SLIT3: variants seen among roughly 807,000 people sequenced by gnomAD.
SLIT3 encodes slit homolog 3 protein.
In SLIT3, 68 loss-of-function variants were observed where a neutral mutation model predicts 184.0. That is an observed-to-expected ratio of 0.37 (90% CI 0.30 to 0.45). The LOEUF (loss-of-function observed/expected upper bound fraction) is 0.45, where lower values mean the gene tolerates loss of function less well. Ranked by LOEUF, SLIT3 falls within the 20% of genes least tolerant of loss-of-function variation. SLIT3 has a pLI of 1.00. For missense variants in SLIT3, 1,707 were observed against 2,026.0 expected, an observed-to-expected ratio of 0.84 and a Z score of 3.02; for synonymous variants, 831 against 828.6, an observed-to-expected ratio of 1.00 and a Z score of -0.05.
intron 4 of SLIT3, among the ~76,000 whole-genome samples, chr5:168,975,942 T>A (rs1180840056): frequency 6.6e-6 from 1 of 152,194 alleles, no homozygotes; most frequent in Non-Finnish European, 1.5e-5. Context: ...CGATCAACTC[T>A]ATCCCTGTAA....
At chr5:168,769,097 A>G (rs1755453316) in intron 14 of SLIT3, among the ~76,000 whole-genome samples, 1 of 152,170 alleles carries the variant, frequency 6.6e-6, no homozygotes, top group African/African-American at 2.4e-5. Flanking sequence ...GATGAGTCTG[A>G]GGGGAAGACA....
At chr5:168,709,996 T>G (rs1285342263) in intron 25 of SLIT3, 1 of 152,234 alleles carries the variant, frequency 6.6e-6, no homozygotes, top group Admixed American at 6.5e-5. Flanking sequence ...AATAATAATG[T>G]ACTTTGATTC....
intron 6 of SLIT3, among the ~76,000 whole-genome samples, chr5:168,842,751 C>T (rs1758313119): frequency 6.6e-6 from 1 of 152,194 alleles, no homozygotes; most frequent in African/African-American, 2.4e-5. Context: ...GGTAAGACAA[C>T]ACCGTTCCTA....
chr5:168,879,492 CA>C (rs1759872352), intron 5 of SLIT3, among the ~76,000 whole-genome samples: 1 of 152,216 alleles, frequency 6.6e-6, no homozygotes, highest in African/African-American at 2.4e-5. Flanking sequence ...CATACAGCTT[CA>C]TTATCACCTC....
intron 4 of SLIT3, among the ~76,000 whole-genome samples, chr5:169,126,973 C>T (rs1761102245): frequency 6.6e-6 from 1 of 152,202 alleles, no homozygotes; most frequent in Admixed American, 6.5e-5. Context: ...AAAGTCTGCA[C>T]TGACTTCAAG....
At chr5:169,178,947 T>C (rs1561717687) in intron 4 of SLIT3, among the ~76,000 whole-genome samples, 1 of 152,072 alleles carries the variant, frequency 6.6e-6, no homozygotes, top group Non-Finnish European at 1.5e-5. Context: ...GACGGGCCCA[T>C]GATTGAATGA....
At chr5:169,227,141 A>G (rs1764841846) in intron 3 of SLIT3, among the ~76,000 whole-genome samples, 1 of 152,200 alleles carries the variant, frequency 6.6e-6, no homozygotes. Context: ...CCTAGTGGGC[A>G]CTGGCATATA....
intron 5 of SLIT3, among the ~76,000 whole-genome samples, chr5:168,874,672 C>G (rs1281196694): frequency 6.6e-6 from 1 of 152,208 alleles, no homozygotes; most frequent in East Asian, 1.9e-4. Context: ...AACTTCCAAT[C>G]CCAGGCAGAA....
chr5:168,865,029 G>A (rs1479541155), intron 5 of SLIT3, among the ~76,000 whole-genome samples: 6 of 152,030 alleles, frequency 3.9e-5, no homozygotes, highest in Admixed American at 2.0e-4. Flanking sequence ...TTAGCCAGGC[G>A]TGGTGGTGGA....
chr5:168,746,189 G>C (rs542629654), intron 20 of SLIT3, among the ~76,000 whole-genome samples: 1 of 152,308 alleles, frequency 6.6e-6, no homozygotes, highest in Non-Finnish European at 1.5e-5. Flanking sequence ...GCCTGTACGT[G>C]CTAACCTGGC....
intron 21 of SLIT3, 62 bp downstream of exon 21, chr5:168,724,354 C>G: frequency 7.3e-7 from 1 of 1,377,382 alleles, no homozygotes. Flanking sequence ...CCATCCACTT[C>G]AGTTTCCTGA....
At chr5:169,090,637 A>T (rs2113201162) in intron 4 of SLIT3, among the ~76,000 whole-genome samples, 1 of 152,310 alleles carries the variant, frequency 6.6e-6, no homozygotes, top group South Asian at 2.1e-4. Context: ...TGTGACTAAG[A>T]CGTGTTAAGG....
At chr5:168,768,015 CTT>C (rs892464352) in intron 14 of SLIT3, 1 of 341,174 alleles carries the variant, frequency 2.9e-6, no homozygotes, top group African/African-American at 2.2e-5. Context: ...TATCTGCATC[CTT>C]TGAGACTCCT....
At chr5:169,202,120 C>T (rs1763921308) in intron 3 of SLIT3, among the ~76,000 whole-genome samples, 1 of 152,116 alleles carries the variant, frequency 6.6e-6, no homozygotes, top group Admixed American at 6.6e-5. Context: ...ATAGTCACAG[C>T]TACTCAGGAG....
chr5:169,096,487 G>A (rs932278956), intron 4 of SLIT3, among the ~76,000 whole-genome samples: 2 of 152,232 alleles, frequency 1.3e-5, no homozygotes, highest in Non-Finnish European at 2.9e-5. Context: ...CTGCCCTTGT[G>A]CCTGAAAAGC....
At chr5:169,154,777 G>T (rs148479361) in intron 4 of SLIT3, among the ~76,000 whole-genome samples, 3 of 152,324 alleles carry the variant, frequency 2.0e-5, no homozygotes, top group Non-Finnish European at 2.9e-5. Context: ...TGGGTGGTGT[G>T]GACATTCAGG....
chr5:169,055,280 T>C (rs537105576), intron 4 of SLIT3, among the ~76,000 whole-genome samples: 1 of 152,336 alleles, frequency 6.6e-6, no homozygotes, highest in African/African-American at 2.4e-5. Flanking sequence ...ATTAGAAAGA[T>C]GGATAGTAAT....
At chr5:168,778,092 C>T (rs990249561) in intron 12 of SLIT3, among the ~76,000 whole-genome samples, 5 of 152,310 alleles carry the variant, frequency 3.3e-5, no homozygotes, top group East Asian at 1.9e-4. Flanking sequence ...ATGCTTGCTC[C>T]GTCCTGGTTC....
At chr5:169,110,423 T>C (rs1055834533) in intron 4 of SLIT3, among the ~76,000 whole-genome samples, 1 of 152,172 alleles carries the variant, frequency 6.6e-6, no homozygotes, top group African/African-American at 2.4e-5. Flanking sequence ...TGGCTCCTTC[T>C]GAGGGCTGTG....
Sources: gnomAD v4.1 joint callset for allele counts (sites outside exome capture counted in the v4.1 genomes callset) on GRCh38, gnomAD v4.1.1 for gene constraint, MANE v1.5 for transcripts, NCBI Gene and HGNC (gene_info 2026-07-23, HGNC 2026-07-21) for gene names.